ANTXR1: variants seen among roughly 807,000 people sequenced by gnomAD.
The protein encoded by ANTXR1 is anthrax toxin receptor 1.
ANTXR1 carries 19 observed loss-of-function variants against 78.1 expected under a neutral mutation model. The observed-to-expected ratio is 0.24, with a 90% confidence interval of 0.17 to 0.36. The LOEUF (loss-of-function observed/expected upper bound fraction) is 0.36. Among genes scored for constraint, ANTXR1 ranks in the 10% least tolerant of loss-of-function variants. The pLI, the probability that ANTXR1 is intolerant of heterozygous loss-of-function variation, is 1.00. For synonymous variants in ANTXR1, 273 were observed against 260.5 expected (o/e 1.05, Z -0.46); for missense variants, 518 against 718.6 (o/e 0.72, Z 3.19).
chr2:69,174,348 TGTAACTGGGCCAG>T (rs1323343340), intron 14 of ANTXR1, among the ~76,000 whole-genome samples: 2 of 152,196 alleles, frequency 1.3e-5, no homozygotes, highest in Admixed American at 1.3e-4. Flanking sequence ...TAAGAGAGTG[TGTAACTGGGCCAG>T]GTACAGTGGC....
intron 10 of ANTXR1, among the ~76,000 whole-genome samples, chr2:69,105,381 T>C (rs753200675): frequency 1.3e-5 from 2 of 152,194 alleles, no homozygotes; most frequent in Admixed American, 6.5e-5. Context: ...AGTGATTTGA[T>C]CATATTCTAT....
At chr2:69,055,708 T>C (rs1308524253) in intron 3 of ANTXR1, among the ~76,000 whole-genome samples, 1 of 152,188 alleles carries the variant, frequency 6.6e-6, no homozygotes. Context: ...TATGTGATGT[T>C]ACATAAAAAT....
intron 17 of ANTXR1, among the ~76,000 whole-genome samples, chr2:69,239,156 C>T (rs1484334676): frequency 6.6e-6 from 1 of 152,062 alleles, no homozygotes; most frequent in Non-Finnish European, 1.5e-5. Flanking sequence ...AATGACCAAC[C>T]AGAAAAATAT....
intron 17 of ANTXR1, among the ~76,000 whole-genome samples, chr2:69,210,866 G>T (rs887669508): frequency 2.6e-5 from 4 of 151,406 alleles, no homozygotes; most frequent in Admixed American, 2.6e-4. Flanking sequence ...AACATGGGAG[G>T]TGGAGGTTGC....
intron 3 of ANTXR1, among the ~76,000 whole-genome samples, chr2:69,059,358 G>T (rs1670162429): frequency 6.6e-6 from 1 of 152,154 alleles, no homozygotes; most frequent in African/African-American, 2.4e-5. Context: ...CCATCACTCT[G>T]ATCAGTCAGC....
chr2:69,040,165 A>G lies in ANTXR1; in HGVS notation c.224+50A>G, dbSNP rs550643442. The G allele has an allele frequency of 3.3e-6, 5 of 1,507,390 alleles. No homozygotes were observed. In the African/African-American group the frequency reaches 5.5e-5, roughly 17 times the overall value. The allele number at this position is 1,507,390 out of a possible 1,614,324, so 93.4% of individuals were successfully genotyped here. A position where few individuals can be genotyped will look rare whatever the true frequency, so the allele number is the denominator to read the frequency against. ...CACTTGTAGTTCTCTGTCATGAGTC[A>G]AACTAGTCCATGTTTGCTATTCTAT... On this transcript the variant is annotated intron_variant, in intron 2 of 17. Transcript: ENST00000303714.
Position 69,100,145 on chromosome 2 carries a change from G to A in ANTXR1, c.704-2697G>A, listed in dbSNP as rs59423943. Among the ~76,000 whole-genome samples, 1,398 of 152,310 alleles carry A rather than the reference G, an allele frequency of 9.2e-3. 17 individuals carry two copies. Among genetic ancestry groups the A allele is most frequent in the African/African-American group, 0.032 (1,328 of 41,554 alleles). ...ACATATTTTGAAAGGTGGGTTCAGG[G>A]CTTTGTAGATTAGTGGAGTTAAATC... On this transcript the variant is annotated intron_variant, in intron 9 of 17. Transcript: ENST00000303714.
At chr2:69,152,134 TC>T (rs1471672203) in intron 12 of ANTXR1, 34 bp from the exon 13 acceptor site, 1 of 1,601,690 alleles carries the variant, frequency 6.2e-7, no homozygotes, top group East Asian at 2.2e-5. Context: ...CATGGTCCCA[TC>T]CCGCTGCTGA....
At chr2:69,171,208 G>T (rs754463947) in intron 14 of ANTXR1, among the ~76,000 whole-genome samples, 61 of 152,198 alleles carry the variant, frequency 4.0e-4, no homozygotes, top group Non-Finnish European at 6.8e-4. Flanking sequence ...AAAGAGTAAT[G>T]ATTAAATTAA....
At chr2:69,166,685 C>A (rs528092380) in intron 13 of ANTXR1, among the ~76,000 whole-genome samples, 2 of 152,172 alleles carry the variant, frequency 1.3e-5, no homozygotes, top group African/African-American at 4.8e-5. Context: ...GACCCTTCAA[C>A]CCTATCCATC....
At chr2:69,090,786 A>G in intron 8 of ANTXR1, 73 bp from the exon 9 acceptor site, 1 of 1,529,502 alleles carries the variant, frequency 6.5e-7, no homozygotes, top group African/African-American at 1.4e-5. Flanking sequence ...CTCAGTAGCT[A>G]AAAGCAGAAC....
intron 3 of ANTXR1, among the ~76,000 whole-genome samples, chr2:69,057,993 A>G (rs533079683): frequency 6.6e-6 from 1 of 152,378 alleles, no homozygotes; most frequent in South Asian, 2.1e-4. Context: ...CCAAAGCCTA[A>G]TGCAAAGTAA....
chr2:69,165,862 G>C (rs1194423677), intron 13 of ANTXR1, among the ~76,000 whole-genome samples: 1 of 152,122 alleles, frequency 6.6e-6, no homozygotes, highest in East Asian at 1.9e-4. Flanking sequence ...AGAGAAAAAA[G>C]AAAAGCAAAA....
chr2:69,143,679 A>G (rs1673135226), intron 12 of ANTXR1, among the ~76,000 whole-genome samples: 1 of 152,178 alleles, frequency 6.6e-6, no homozygotes, highest in Admixed American at 6.5e-5. Flanking sequence ...GCACAATATC[A>G]TAAATGTACT....
At chr2:69,212,039 G>A (rs1266077839) in intron 17 of ANTXR1, among the ~76,000 whole-genome samples, 2 of 152,204 alleles carry the variant, frequency 1.3e-5, no homozygotes, top group African/African-American at 4.8e-5. Flanking sequence ...GAGATGCCTT[G>A]TGCCTCAGAC....
chr2:69,187,396 T>C (rs1030825505), intron 16 of ANTXR1, among the ~76,000 whole-genome samples: 2 of 151,712 alleles, frequency 1.3e-5, no homozygotes, highest in Admixed American at 6.6e-5. Context: ...CCCAGCTATA[T>C]GGGCAAATTT....
chr2:69,137,201 T>G (rs74628711), intron 12 of ANTXR1, among the ~76,000 whole-genome samples: 1 of 152,154 alleles, frequency 6.6e-6, no homozygotes, highest in Non-Finnish European at 1.5e-5. Context: ...TTTTTAAGTT[T>G]ATGGTTCTAC....
At chr2:69,032,604 C>T (rs183175903) in intron 1 of ANTXR1, among the ~76,000 whole-genome samples, 86 of 152,228 alleles carry the variant, frequency 5.6e-4, no homozygotes, top group African/African-American at 9.6e-4. Flanking sequence ...GGAATGGAGC[C>T]GCAGCTGTGC....
chr2:69,103,917 G>A (rs1671717555), intron 10 of ANTXR1, among the ~76,000 whole-genome samples: 1 of 150,050 alleles, frequency 6.7e-6, no homozygotes. Flanking sequence ...ACTCACACTA[G>A]TTTTCTCCTC....
Sources: gnomAD v4.1 joint callset for allele counts (sites outside exome capture counted in the v4.1 genomes callset) on GRCh38, gnomAD v4.1.1 for gene constraint, MANE v1.5 for transcripts, NCBI Gene and HGNC (gene_info 2026-07-23, HGNC 2026-07-21) for gene names.